The following CTNNA2 variants were observed in gnomAD, a reference collection of about 807,000 sequenced individuals.
The protein encoded by CTNNA2 is catenin alpha 2.
In CTNNA2, 42 loss-of-function variants were observed where a neutral mutation model predicts 101.0. That is an observed-to-expected ratio of 0.42 (90% confidence interval 0.32 to 0.54). CTNNA2 has a LOEUF of 0.54. Ranked by LOEUF, CTNNA2 falls within the 20% of genes least tolerant of loss-of-function variation. The pLI is 0.14. For synonymous variants in CTNNA2, 450 were observed against 456.4 expected (o/e 0.99, Z 0.18); for missense variants, 871 against 1,223.1 (o/e 0.71, Z 4.29).
intron 7 of CTNNA2, among the ~76,000 whole-genome samples, chr2:80,112,800 A>C (rs774415845): frequency 1.3e-5 from 2 of 152,236 alleles, no homozygotes; most frequent in Non-Finnish European, 2.9e-5. Flanking sequence ...AGTCTAAAGA[A>C]AACATAATTA....
At chr2:80,556,853 C>T (rs1313639248) in intron 12 of CTNNA2, among the ~76,000 whole-genome samples, 3 of 152,272 alleles carry the variant, frequency 2.0e-5, no homozygotes, top group South Asian at 4.1e-4. Context: ...CCCCTCAAAC[C>T]CTAAGGGGGA....
intron 1 of CTNNA2, among the ~76,000 whole-genome samples, chr2:79,650,425 C>A (rs923842449): frequency 2.0e-5 from 3 of 152,056 alleles, no homozygotes; most frequent in Non-Finnish European, 4.4e-5. Flanking sequence ...GAGACTGAAA[C>A]TCTTGTCCCA....
intron 7 of CTNNA2, among the ~76,000 whole-genome samples, chr2:80,325,039 A>G (rs541193572): frequency 6.6e-6 from 1 of 152,324 alleles, no homozygotes; most frequent in Non-Finnish European, 1.5e-5. Flanking sequence ...CCACTAAAAT[A>G]TAAGCTTCAT....
chr2:79,510,381 C>G (rs7563118), upstream of CTNNA2, among the ~76,000 whole-genome samples: 73,135 of 151,930 alleles, frequency 0.48, 17,812 homozygotes, highest in East Asian at 0.58. Context: ...CCTTAGTTTA[C>G]AATGGGGACA....
intron 7 of CTNNA2, among the ~76,000 whole-genome samples, chr2:80,219,450 A>G (rs1300008202): frequency 6.6e-6 from 1 of 152,056 alleles, no homozygotes. Context: ...ATTTGATTCA[A>G]CCTCTTTGAA....
At chr2:79,909,222 A>G (rs915891933) in intron 6 of CTNNA2, among the ~76,000 whole-genome samples, 1 of 152,224 alleles carries the variant, frequency 6.6e-6, no homozygotes, top group African/African-American at 2.4e-5. Context: ...ATTATTTATC[A>G]TGTTTTAGCT....
chr2:80,288,165 T>G (rs1367549352), intron 7 of CTNNA2, among the ~76,000 whole-genome samples: 1 of 152,128 alleles, frequency 6.6e-6, no homozygotes, highest in East Asian at 1.9e-4. Context: ...GGCAAACAGT[T>G]GAAACCCCAC....
At chr2:80,619,542 T>C (rs975486606) in intron 18 of CTNNA2, among the ~76,000 whole-genome samples, 3 of 151,916 alleles carry the variant, frequency 2.0e-5, no homozygotes, top group Non-Finnish European at 4.4e-5. Context: ...CTTTGTGAGC[T>C]TCACTAAGGA....
intron 4 of CTNNA2, among the ~76,000 whole-genome samples, chr2:79,448,973 C>T (rs1045375495): frequency 6.6e-6 from 1 of 151,978 alleles, no homozygotes; most frequent in African/African-American, 2.4e-5. Flanking sequence ...AGAAAATGCG[C>T]ATTTGACTCA....
intron 3 of CTNNA2, among the ~76,000 whole-genome samples, chr2:79,756,688 A>T (rs759861722): frequency 3.4e-4 from 51 of 152,200 alleles, no homozygotes; most frequent in Non-Finnish European, 6.0e-4. Context: ...TGAAAGACTT[A>T]TATCCATAAT....
At chr2:80,359,083 C>A (rs866797808) in intron 7 of CTNNA2, among the ~76,000 whole-genome samples, 2 of 151,226 alleles carry the variant, frequency 1.3e-5, no homozygotes. Flanking sequence ...ACAAAAAAAA[C>A]CTTTTTAGCC....
chr2:79,512,400 T>C (rs1671569501), upstream of CTNNA2, among the ~76,000 whole-genome samples: 1 of 152,132 alleles, frequency 6.6e-6, no homozygotes, highest in Non-Finnish European at 1.5e-5. Context: ...CTAGGTTCTT[T>C]TAAAGTCCAA....
At chr2:80,202,015 C>T (rs1335835778) in intron 7 of CTNNA2, among the ~76,000 whole-genome samples, 1 of 152,264 alleles carries the variant, frequency 6.6e-6, no homozygotes, top group East Asian at 1.9e-4. Flanking sequence ...CCCCTGCACC[C>T]TTCTCATACT....
chr2:79,472,964 C>T (rs1401821899), intron 4 of CTNNA2, among the ~76,000 whole-genome samples: 1 of 152,216 alleles, frequency 6.6e-6, no homozygotes, highest in East Asian at 1.9e-4. Context: ...GAACAGAATT[C>T]TGCCAAATTC....
intron 2 of CTNNA2, among the ~76,000 whole-genome samples, chr2:79,248,051 A>T (rs1042948293): frequency 1.3e-5 from 2 of 152,226 alleles, no homozygotes; most frequent in African/African-American, 2.4e-5. Flanking sequence ...AGCTATAGGA[A>T]ATTCACACAG....
intron 4 of CTNNA2, among the ~76,000 whole-genome samples, chr2:79,501,714 AAAT>A (rs1671321598): frequency 6.6e-6 from 1 of 152,198 alleles, no homozygotes; most frequent in Non-Finnish European, 1.5e-5. Flanking sequence ...ATCCCATCCC[AAAT>A]CTAAAAGTGA....
intron 7 of CTNNA2, among the ~76,000 whole-genome samples, chr2:80,069,147 G>A (rs1698168168): frequency 6.6e-6 from 1 of 152,202 alleles, no homozygotes; most frequent in Admixed American, 6.5e-5. Flanking sequence ...AGATGTCCCA[G>A]CTTGAGAAGA....
At chr2:79,298,587 A>C (rs1676036501) in intron 2 of CTNNA2, among the ~76,000 whole-genome samples, 1 of 152,030 alleles carries the variant, frequency 6.6e-6, no homozygotes, top group South Asian at 2.1e-4. Context: ...TCTTTAATTA[A>C]ATTCCCAATT....
chr2:80,172,853 A>C (rs1305337568), intron 7 of CTNNA2, among the ~76,000 whole-genome samples: 1 of 152,120 alleles, frequency 6.6e-6, no homozygotes. Flanking sequence ...GTGCCTTCTC[A>C]CATGCCGTTA....
Sources: allele counts gnomAD v4.1 joint callset (sites outside exome capture counted in the v4.1 genomes callset), GRCh38; gene constraint gnomAD v4.1.1; transcripts MANE v1.5; gene names NCBI Gene and HGNC (gene_info 2026-07-23, HGNC 2026-07-21).